Variants in DOCK2 observed in about 807,000 individuals in gnomAD.
DOCK2 encodes the protein dedicator of cytokinesis protein 2.
In DOCK2, 87 loss-of-function variants were observed where a neutral mutation model predicts 248.9. The ratio of observed to expected loss-of-function variants is 0.35; its 90% CI spans 0.29 to 0.42. The LOEUF is 0.42. DOCK2 is among the 10% of genes least tolerant of loss of function. The probability of loss-of-function intolerance (pLI) is 1.00; values close to 1 mark genes in which losing one functional copy is unlikely to be tolerated. For missense variants in DOCK2, 1,747 were observed against 2,300.2 expected (o/e 0.76, Z 4.92); for synonymous variants, 805 against 821.6 (o/e 0.98, Z 0.35).
intron 41 of DOCK2, among the ~76,000 whole-genome samples, chr5:170,052,006 G>A (rs1019081781): frequency 5.3e-5 from 8 of 152,148 alleles, no homozygotes; most frequent in African/African-American, 1.9e-4. Flanking sequence ...GCATGGCAGG[G>A]AGCATATAAA....
intron 44 of DOCK2, among the ~76,000 whole-genome samples, chr5:170,062,244 C>A (rs775924486): frequency 3.9e-5 from 6 of 152,012 alleles, no homozygotes; most frequent in Non-Finnish European, 5.9e-5. Flanking sequence ...AGTAAGGAGG[C>A]TATAATTTCA....
intron 27 of DOCK2, among the ~76,000 whole-genome samples, chr5:169,968,485 AC>A (rs1439959893): frequency 2.0e-5 from 3 of 152,106 alleles, no homozygotes; most frequent in Non-Finnish European, 4.4e-5. Flanking sequence ...TTAAGATACC[AC>A]ATTACAGGTG....
Position 169,929,828 on chromosome 5 carries a change from C to A in DOCK2, c.2800-53240C>A, listed in dbSNP as rs78358638. Among the ~76,000 whole-genome samples the A allele has an allele frequency of 7.0e-3, 1,055 of 151,508 alleles. 37 individuals carry two copies. The East Asian group carries it at 0.11, about 16-fold the overall frequency. On this transcript the variant is annotated intron_variant, in intron 27 of 51. Transcript: ENST00000520908. Reference sequence around the variant, plus strand: ...CTTGACCTAGCACTTTCCTATAGACCCTTATATGAGGATAGAAATCTTGTT... The same window carrying A: ...CTTGACCTAGCACTTTCCTATAGACACTTATATGAGGATAGAAATCTTGTT...
At chr5:169,737,425 G>A (rs1010525591) in intron 22 of DOCK2, among the ~76,000 whole-genome samples, 1 of 152,192 alleles carries the variant, frequency 6.6e-6, no homozygotes, top group Non-Finnish European at 1.5e-5. Flanking sequence ...ATATTATGAA[G>A]TGTATACTTG....
intron 29 of DOCK2, among the ~76,000 whole-genome samples, chr5:169,986,276 G>A (rs1322042094): frequency 1.3e-5 from 2 of 152,156 alleles, no homozygotes; most frequent in Non-Finnish European, 2.9e-5. Flanking sequence ...AATAAGTTTA[G>A]GAAGCATTAA....
intron 22 of DOCK2, among the ~76,000 whole-genome samples, chr5:169,735,953 AGAGAGAGAGAGAGAGAGAGG>A (rs1561648985): frequency 6.7e-6 from 1 of 148,900 alleles, no homozygotes; most frequent in African/African-American, 2.5e-5. Context: ...GGGGAGAGGG[AGAGAGAGAGAGAGAGAGAGG>A]GAGAGAGAGA....
chr5:169,766,878 C>T (rs1442054472), intron 25 of DOCK2, among the ~76,000 whole-genome samples: 1 of 152,186 alleles, frequency 6.6e-6, no homozygotes, highest in Admixed American at 6.5e-5. Flanking sequence ...AGAGATTCTC[C>T]TGCCTCAGCC....
intron 21 of DOCK2, among the ~76,000 whole-genome samples, chr5:169,717,741 T>C (rs1285824028): frequency 6.6e-6 from 1 of 152,096 alleles, no homozygotes; most frequent in Admixed American, 6.5e-5. Flanking sequence ...CGTGCTCTCA[T>C]TTCTTGAGTG....
chr5:169,686,115 T>G (rs1330307535), intron 8 of DOCK2, among the ~76,000 whole-genome samples: 1 of 152,112 alleles, frequency 6.6e-6, no homozygotes, highest in African/African-American at 2.4e-5. Flanking sequence ...TTGAAATGGT[T>G]TGGGAGTCAG....
Position 169,711,919 on chromosome 5 carries a change from G to T in DOCK2, c.1483-16G>T. ...TTTAACTCATTGTGTTCTGAGCTCT[G>T]TTTCTGTCTGCTGAGGTGGCTGTCC... On this transcript the variant is annotated splice_polypyrimidine_tract_variant and intron_variant, in intron 15 of 51. Coordinates refer to ENST00000520908, the MANE Select transcript of DOCK2 (RefSeq NM_004946.3). The T allele has an allele frequency of 6.2e-7, 1 of 1,613,552 alleles. No homozygotes were observed. The highest frequency in any genetic ancestry group is 1.1e-5 in the South Asian group (1 of 91,064).
intron 27 of DOCK2, among the ~76,000 whole-genome samples, chr5:169,897,467 G>A (rs1773678328): frequency 6.6e-6 from 1 of 152,156 alleles, no homozygotes; most frequent in African/African-American, 2.4e-5. Flanking sequence ...AGGATTACAA[G>A]TGTGAGCCAC....
Position 169,684,362 on chromosome 5 carries a change from C to T in DOCK2, c.761+12C>T. ...CAAACGGTCATAAGGTAGGTGTGTC[C>T]AGGGTTGCCCTACTTCTCTGACTAT... On this transcript the variant is annotated intron_variant, in intron 8 of 51. Coordinates refer to ENST00000520908, the MANE Select transcript of DOCK2 (RefSeq NM_004946.3). 6.2e-7 allele frequency: 1 copy of T among 1,612,914 alleles called. No homozygotes were observed. Among genetic ancestry groups the T allele is most frequent in the Non-Finnish European group, 8.5e-7 (1 of 1,179,076 alleles).
intron 29 of DOCK2, among the ~76,000 whole-genome samples, chr5:169,986,848 G>T (rs1301902988): frequency 1.3e-5 from 2 of 152,056 alleles, no homozygotes; most frequent in African/African-American, 4.8e-5. Context: ...TCTACCTATT[G>T]TTCTTGTTTT....
intron 26 of DOCK2, among the ~76,000 whole-genome samples, chr5:169,816,495 T>C (rs887654981): frequency 2.6e-5 from 4 of 152,202 alleles, no homozygotes; most frequent in Admixed American, 2.0e-4. Flanking sequence ...ACCTTGCCTT[T>C]GGCCTGAAAT....
At chr5:169,994,659 A>G (rs953009397) in intron 29 of DOCK2, among the ~76,000 whole-genome samples, 1 of 152,202 alleles carries the variant, frequency 6.6e-6, no homozygotes, top group East Asian at 1.9e-4. Flanking sequence ...GGCAAGGGAC[A>G]TTCTACACAA....
chr5:169,882,668 C>T (rs753222944), intron 27 of DOCK2: 28 of 1,552,080 alleles, frequency 1.8e-5, no homozygotes, highest in East Asian at 2.4e-5. Context: ...CCTTGGAGGT[C>T]GCAGAGTTCA....
In DOCK2 at chr5:169,637,313, GC is replaced by G. The variant is rs1488293038; in HGVS notation, c.-10del. 5 of 1,427,196 alleles carry G rather than the reference GC, an allele frequency of 3.5e-6. No individual in the cohort carries two copies. Among genetic ancestry groups the G allele is most frequent in the Admixed American group, 2.9e-5 (1 of 34,936 alleles). The allele number at this position is 1,427,196 out of a possible 1,614,324, so 88.4% of individuals were successfully genotyped here. On this transcript the variant is annotated 5_prime_UTR_variant, in exon 1 of 52. Coordinates refer to ENST00000520908, the MANE Select transcript of DOCK2 (RefSeq NM_004946.3). ...CGGCTTCCCCACGGGAGGACGCGAG[GC>G]CCCGGCCCAGCCATGGCCCCCTGGC...
At chr5:169,673,760 C>A (rs1242893336) in intron 5 of DOCK2, among the ~76,000 whole-genome samples, 1 of 152,142 alleles carries the variant, frequency 6.6e-6, no homozygotes, top group East Asian at 1.9e-4. Flanking sequence ...TACTATGAAA[C>A]TGCAACTTTC....
At chr5:169,813,737 C>T (rs868527465) in intron 26 of DOCK2, among the ~76,000 whole-genome samples, 1 of 152,176 alleles carries the variant, frequency 6.6e-6, no homozygotes, top group South Asian at 2.1e-4. Context: ...CATGATAGTT[C>T]TCATTGATCT....
Sources: gnomAD v4.1 joint callset for allele counts (sites outside exome capture counted in the v4.1 genomes callset) on GRCh38, gnomAD v4.1.1 for gene constraint, MANE v1.5 for transcripts, NCBI Gene and HGNC (gene_info 2026-07-23, HGNC 2026-07-21) for gene names.